The following NCALD variants were observed in gnomAD, a reference collection of about 807,000 sequenced individuals.
NCALD encodes the protein neurocalcin-delta.
In NCALD, 10 loss-of-function variants were observed where a neutral mutation model predicts 18.6. That is an observed-to-expected ratio of 0.54 (90% confidence interval 0.33 to 0.91). The LOEUF (loss-of-function observed/expected upper bound fraction) is 0.91. Among genes scored for constraint, NCALD ranks in the 40% least tolerant of loss-of-function variants. The pLI is 0.03. For synonymous variants in NCALD, 88 were observed against 87.4 expected (o/e 1.01, Z -0.04); for missense variants, 184 against 247.6 (o/e 0.74, Z 1.72).
At chr8:101,703,345 G>A (rs1418094488) in intron 2 of NCALD, among the ~76,000 whole-genome samples, 1 of 152,124 alleles carries the variant, frequency 6.6e-6, no homozygotes, top group African/African-American at 2.4e-5. Context: ...CAAAAATGGT[G>A]CTAAATCCCT....
chr8:102,012,743 C>T (rs1821949483), intron 2 of NCALD, among the ~76,000 whole-genome samples: 2 of 152,166 alleles, frequency 1.3e-5, no homozygotes, highest in Admixed American at 1.3e-4. Flanking sequence ...TTCCTCTTTA[C>T]CTGAAACAAG....
At chr8:101,874,199 C>T (rs1187640639) in intron 4 of NCALD, among the ~76,000 whole-genome samples, 2 of 152,094 alleles carry the variant, frequency 1.3e-5, no homozygotes, top group African/African-American at 2.4e-5. Context: ...AACTTGAAGG[C>T]CCGTTTGAGG....
chr8:101,821,550 C>G (rs1813717389), intron 4 of NCALD, among the ~76,000 whole-genome samples: 1 of 152,176 alleles, frequency 6.6e-6, no homozygotes, highest in East Asian at 1.9e-4. Flanking sequence ...CCAACACCCA[C>G]AGTTAAATAG....
intron 2 of NCALD, among the ~76,000 whole-genome samples, chr8:101,949,723 T>C (rs1199103886): frequency 6.6e-6 from 1 of 152,120 alleles, no homozygotes; most frequent in African/African-American, 2.4e-5. Context: ...TCTTTAGCAA[T>C]TTAACTTAAG....
chr8:101,714,921 C>G (rs1392036383), intron 2 of NCALD, among the ~76,000 whole-genome samples: 1 of 150,038 alleles, frequency 6.7e-6, no homozygotes, highest in Admixed American at 6.6e-5. Flanking sequence ...GGCGTGAACC[C>G]GGGAAGCGGA....
At chr8:101,933,285 A>G (rs899613293) in intron 2 of NCALD, among the ~76,000 whole-genome samples, 2 of 152,228 alleles carry the variant, frequency 1.3e-5, no homozygotes, top group African/African-American at 2.4e-5. Context: ...ACCCACTGTA[A>G]TCACAATGTT....
intron 1 of NCALD, among the ~76,000 whole-genome samples, chr8:101,746,977 G>A (rs1016862855): frequency 2.0e-5 from 3 of 152,032 alleles, no homozygotes; most frequent in Non-Finnish European, 4.4e-5. Flanking sequence ...AATATGTGCT[G>A]AGTAAGAGAT....
chr8:101,957,097 G>A (rs1181315139), intron 2 of NCALD, among the ~76,000 whole-genome samples: 2 of 152,032 alleles, frequency 1.3e-5, no homozygotes, highest in Non-Finnish European at 2.9e-5. Context: ...TTTGATTCTT[G>A]CTTTGTTGAG....
At chr8:101,977,900 ATTTAAAG>A (rs1235756854) in intron 2 of NCALD, among the ~76,000 whole-genome samples, 1 of 152,172 alleles carries the variant, frequency 6.6e-6, no homozygotes, top group Non-Finnish European at 1.5e-5. Context: ...GTCTTCAATT[ATTTAAAG>A]GCTGAAAGAA....
chr8:101,847,224 C>T, intron 4 of NCALD: 1 of 199,720 alleles, frequency 5.0e-6, no homozygotes, highest in South Asian at 9.4e-5. Flanking sequence ...CAATTCCTTT[C>T]CCTTCTTCTT....
intron 4 of NCALD, among the ~76,000 whole-genome samples, chr8:101,810,593 A>G (rs1813269696): frequency 6.6e-6 from 1 of 152,328 alleles, no homozygotes; most frequent in East Asian, 1.9e-4. Flanking sequence ...ATTTAGTAGC[A>G]TCTGATGACA....
intron 4 of NCALD, among the ~76,000 whole-genome samples, chr8:101,862,530 T>C (rs1398355115): frequency 6.6e-6 from 1 of 152,218 alleles, no homozygotes; most frequent in Admixed American, 6.5e-5. Flanking sequence ...TAGCAAACTC[T>C]TCAAATTACA....
chr8:101,949,210 C>T (rs1035816592), intron 2 of NCALD, among the ~76,000 whole-genome samples: 1 of 152,012 alleles, frequency 6.6e-6, no homozygotes, highest in Non-Finnish European at 1.5e-5. Flanking sequence ...TTTAATTTAC[C>T]CCACAATCCT....
chr8:101,703,705 C>T (rs531335032), intron 2 of NCALD, among the ~76,000 whole-genome samples: 2 of 152,286 alleles, frequency 1.3e-5, no homozygotes, highest in East Asian at 1.9e-4. Context: ...ACCTGGTGGA[C>T]TCACTGATGG....
chr8:101,716,960 A>G lies in NCALD; in HGVS notation c.378+2292T>C, dbSNP rs568008270. ...CTAGAATCGGGGAAAGGCAGGGGAA[A>G]GGATTCTCCCCAACAGCCTCCAGAA... On this transcript the variant is annotated intron_variant, in intron 2 of 3. Transcript: ENST00000220931. Among the ~76,000 whole-genome samples the G allele has an allele frequency of 5.9e-5, 9 of 152,328 alleles. No homozygotes were observed. The South Asian group carries it at 8.3e-4, about 14-fold the overall frequency.
intron 1 of NCALD, among the ~76,000 whole-genome samples, chr8:102,061,561 G>C (rs1823849548): frequency 6.6e-6 from 1 of 151,870 alleles, no homozygotes; most frequent in African/African-American, 2.4e-5. Context: ...TATAATATAT[G>C]CAGCTGCATT....
chr8:101,761,699 A>G lies in NCALD; in HGVS notation c.-20+29163T>C, dbSNP rs543787159. Among the ~76,000 whole-genome samples, 3 of 152,284 alleles carry G rather than the reference A, an allele frequency of 2.0e-5. No individual in the cohort carries two copies. The East Asian group carries it at 5.8e-4, about 29-fold the overall frequency. On this transcript the variant is annotated intron_variant, in intron 1 of 3. Transcript: ENST00000220931. The stretch of plus-strand genomic sequence containing the variant: ...GGACTTATTTGTTTCCCAGTATTCA[A>G]TCTCCCCTTCTTCCTTTTAGTAATG...
At chr8:101,785,697 C>T (rs1265645509) in intron 1 of NCALD, among the ~76,000 whole-genome samples, 1 of 152,118 alleles carries the variant, frequency 6.6e-6, no homozygotes, top group Non-Finnish European at 1.5e-5. Flanking sequence ...TTTAAAGACT[C>T]CTTTCATAAA....
chr8:101,940,485 G>A (rs1818915202), intron 2 of NCALD, among the ~76,000 whole-genome samples: 1 of 152,198 alleles, frequency 6.6e-6, no homozygotes. Context: ...AACAGGTAAA[G>A]CAGAAATATA....
Sources: allele counts gnomAD v4.1 joint callset (sites outside exome capture counted in the v4.1 genomes callset), GRCh38; gene constraint gnomAD v4.1.1; transcripts MANE v1.5; gene names NCBI Gene and HGNC (gene_info 2026-07-23, HGNC 2026-07-21).